Variants in NRG1 observed in about 807,000 individuals in gnomAD.
NRG1 encodes the protein neuregulin 1.
NRG1 carries 18 observed loss-of-function variants against 63.8 expected under a neutral mutation model. The observed-to-expected ratio is 0.28, with a 90% CI of 0.19 to 0.42. The LOEUF is 0.42. NRG1 is among the 10% of genes least tolerant of loss of function. The probability of loss-of-function intolerance (pLI) is 1.00; values close to 1 mark genes in which losing one functional copy is unlikely to be tolerated. For missense variants in NRG1, 762 were observed against 814.7 expected, an observed-to-expected ratio of 0.94 and a Z score of 0.79; for synonymous variants, 302 against 301.3, an observed-to-expected ratio of 1.00 and a Z score of -0.02.
intron 1 of NRG1, among the ~76,000 whole-genome samples, chr8:32,594,889 C>T (rs530187896): frequency 4.2e-4 from 64 of 152,274 alleles, no homozygotes; most frequent in African/African-American, 1.5e-3. Flanking sequence ...AGAGTGATAG[C>T]ATCAGAGAAT....
intron 1 of NRG1, among the ~76,000 whole-genome samples, chr8:32,163,893 G>A (rs760814463): frequency 2.6e-5 from 4 of 152,104 alleles, no homozygotes; most frequent in Non-Finnish European, 5.9e-5. Flanking sequence ...CTGTCCTTTG[G>A]CAGTGGAAGT....
intron 5 of NRG1, among the ~76,000 whole-genome samples, chr8:32,701,404 C>T (rs1192666178): frequency 6.6e-6 from 1 of 151,972 alleles, no homozygotes; most frequent in African/African-American, 2.4e-5. Context: ...CCAGTAAATG[C>T]CCAGTTTTCA....
At chr8:31,763,390 C>T (rs1020760271) in intron 1 of NRG1, among the ~76,000 whole-genome samples, 4 of 152,106 alleles carry the variant, frequency 2.6e-5, no homozygotes, top group East Asian at 1.9e-4. Context: ...TTGTCATTGC[C>T]GTTTAGATAC....
At chr8:31,869,123 C>T (rs1198779912) in intron 1 of NRG1, among the ~76,000 whole-genome samples, 1 of 152,168 alleles carries the variant, frequency 6.6e-6, no homozygotes, top group African/African-American at 2.4e-5. Context: ...GTTAATGTCT[C>T]ATCAATTTTG....
At chr8:32,069,173 G>A (rs1825360973) in intron 1 of NRG1, among the ~76,000 whole-genome samples, 1 of 152,188 alleles carries the variant, frequency 6.6e-6, no homozygotes, top group Non-Finnish European at 1.5e-5. Flanking sequence ...GTGTTTACTG[G>A]AAGTCTTTTA....
chr8:32,669,238 T>C (rs1264568441), intron 5 of NRG1, among the ~76,000 whole-genome samples: 1 of 152,166 alleles, frequency 6.6e-6, no homozygotes, highest in Non-Finnish European at 1.5e-5. Flanking sequence ...TAGCAAAAGA[T>C]AGAATAAAGC....
chr8:32,362,392 G>A (rs535510948), intron 1 of NRG1, among the ~76,000 whole-genome samples: 5 of 152,252 alleles, frequency 3.3e-5, no homozygotes, highest in South Asian at 4.1e-4. Context: ...AGATGCACAC[G>A]GAATATGCGA....
intron 1 of NRG1, among the ~76,000 whole-genome samples, chr8:32,577,935 C>T (rs1212330213): frequency 6.6e-6 from 1 of 152,070 alleles, no homozygotes; most frequent in East Asian, 1.9e-4. Flanking sequence ...GAAAACCAGC[C>T]ACCACTTGCA....
chr8:32,244,201 G>T (rs1046246160), intron 1 of NRG1, among the ~76,000 whole-genome samples: 3 of 152,092 alleles, frequency 2.0e-5, no homozygotes, highest in Non-Finnish European at 4.4e-5. Context: ...ATTGAAAAAC[G>T]TAGACTTGCT....
At chr8:32,058,719 C>A (rs1823367128) in intron 1 of NRG1, among the ~76,000 whole-genome samples, 1 of 151,836 alleles carries the variant, frequency 6.6e-6, no homozygotes. Context: ...TTCTATTAAT[C>A]TTCTCCTTCT....
chr8:32,354,846 T>C (rs987312966), intron 1 of NRG1, among the ~76,000 whole-genome samples: 4 of 148,646 alleles, frequency 2.7e-5, no homozygotes, highest in African/African-American at 9.8e-5. Flanking sequence ...ACAGAAGAGA[T>C]TCAAAAGTCT....
intron 1 of NRG1, among the ~76,000 whole-genome samples, chr8:32,186,731 T>A (rs1842013076): frequency 6.6e-6 from 1 of 152,132 alleles, no homozygotes; most frequent in African/African-American, 2.4e-5. Flanking sequence ...GATTCAGAGG[T>A]ACAGTAAAGT....
At chr8:32,064,901 A>T (rs1824497102) in intron 1 of NRG1, among the ~76,000 whole-genome samples, 1 of 152,166 alleles carries the variant, frequency 6.6e-6, no homozygotes, top group Admixed American at 6.5e-5. Flanking sequence ...AAAATAATTT[A>T]TTGGAGAAAC....
intron 1 of NRG1, among the ~76,000 whole-genome samples, chr8:32,388,635 T>C (rs1357446931): frequency 7.0e-6 from 1 of 142,198 alleles, no homozygotes; most frequent in South Asian, 2.4e-4. Flanking sequence ...CTCATCCATT[T>C]GGTTACTGAT....
At chr8:32,393,210 C>G (rs1347634674) in intron 1 of NRG1, among the ~76,000 whole-genome samples, 1 of 151,870 alleles carries the variant, frequency 6.6e-6, no homozygotes, top group Admixed American at 6.6e-5. Flanking sequence ...TTTTTTCTCC[C>G]ACAGGCCACA....
At chr8:32,166,130 C>A (rs1260220422) in intron 1 of NRG1, among the ~76,000 whole-genome samples, 1 of 152,098 alleles carries the variant, frequency 6.6e-6, no homozygotes, top group Non-Finnish European at 1.5e-5. Context: ...CAAGTAATGA[C>A]TTATGCTGGG....
intron 1 of NRG1, among the ~76,000 whole-genome samples, chr8:31,833,454 C>T (rs1216026783): frequency 6.6e-6 from 1 of 152,152 alleles, no homozygotes. Context: ...AAAAGAACAT[C>T]CCTGCAAAAT....
At chr8:32,569,571 T>C (rs1250487987) in intron 1 of NRG1, among the ~76,000 whole-genome samples, 1 of 152,190 alleles carries the variant, frequency 6.6e-6, no homozygotes, top group Non-Finnish European at 1.5e-5. Context: ...AAAAAAATTA[T>C]ATGAAAACTG....
intron 1 of NRG1, among the ~76,000 whole-genome samples, chr8:32,331,039 C>A (rs1802579856): frequency 6.6e-6 from 1 of 151,880 alleles, no homozygotes; most frequent in Admixed American, 6.6e-5. Context: ...ATTAGTCCTC[C>A]TTTTTAGACA....
Sources: allele counts gnomAD v4.1 joint callset (sites outside exome capture counted in the v4.1 genomes callset), GRCh38; gene constraint gnomAD v4.1.1; transcripts MANE v1.5; gene names NCBI Gene and HGNC (gene_info 2026-07-23, HGNC 2026-07-21).